Variants in BACE2 observed in about 807,000 individuals in gnomAD.
BACE2 encodes the protein beta-secretase 2, also known as 56 kDa aspartic-like protease.
In BACE2, 17 loss-of-function variants were observed where a neutral mutation model predicts 46.2. The observed-to-expected ratio is 0.37, with a 90% confidence interval of 0.25 to 0.55. BACE2 has a LOEUF of 0.55. BACE2 is among the 20% of genes least tolerant of loss of function. BACE2 has a pLI of 0.82. For missense variants in BACE2, 595 were observed against 698.1 expected, an observed-to-expected ratio of 0.85 and a Z score of 1.66; for synonymous variants, 277 against 295.9, an observed-to-expected ratio of 0.94 and a Z score of 0.66.
chr21:41,243,565 A>C, intron 5 of BACE2, 55 bp downstream of exon 5: 3 of 1,513,814 alleles, frequency 2.0e-6, no homozygotes, highest in Non-Finnish European at 2.6e-6. Flanking sequence ...GGTCCCTTAA[A>C]TATGCCAGCT....
At chr21:41,171,084 A>G (rs1035468985) in intron 1 of BACE2, among the ~76,000 whole-genome samples, 2 of 152,208 alleles carry the variant, frequency 1.3e-5, no homozygotes, top group African/African-American at 4.8e-5. Flanking sequence ...CCTTCCCTTC[A>G]TGCCTCCTGA....
At chr21:41,208,293 A>G (rs531311246) in intron 1 of BACE2, among the ~76,000 whole-genome samples, 3 of 152,250 alleles carry the variant, frequency 2.0e-5, no homozygotes, top group Non-Finnish European at 4.4e-5. Flanking sequence ...TGGGCAGTGC[A>G]CGCAGGACCG....
At chr21:41,199,081 C>G (rs1985854134) in intron 1 of BACE2, among the ~76,000 whole-genome samples, 1 of 134,880 alleles carries the variant, frequency 7.4e-6, no homozygotes, top group Non-Finnish European at 1.5e-5. Context: ...TCCAAGTGTT[C>G]TCATTGCTCA....
At chr21:41,207,130 C>T (rs1986151871) in intron 1 of BACE2, among the ~76,000 whole-genome samples, 1 of 152,186 alleles carries the variant, frequency 6.6e-6, no homozygotes, top group Non-Finnish European at 1.5e-5. Flanking sequence ...AATTTATTCA[C>T]ACTTCTTTAG....
intron 1 of BACE2, among the ~76,000 whole-genome samples, chr21:41,194,682 C>G (rs1300401613): frequency 6.6e-6 from 1 of 152,126 alleles, no homozygotes; most frequent in African/African-American, 2.4e-5. Flanking sequence ...AGCTATTGGT[C>G]TGATATCACT....
At position 41,168,437 on chromosome 21, in the gene BACE2, C is replaced by A; in HGVS notation, c.174C>A (p.Asp58Glu). Residue 58 changes from aspartate (D) to glutamate (E), a missense_variant, in exon 1 of 9, where the codon GAC becomes GAA. Around this residue, in one of 3 missense-constraint regions of BACE2, gnomAD observed 248 missense variants for 261.4 expected, o/e 0.95. Coordinates refer to ENST00000330333, the MANE Select transcript of BACE2 (RefSeq NM_012105.5). ...GPGTPAERHA[D>E]GLALALEPAL... ...GGACCCCTGCCGAGCGCCACGCCGA[C>A]GGCTTGGCGCTCGCCCTGGAGCCTG... 7.2e-7 allele frequency: 1 copy of A among 1,396,204 alleles called. No individual in the cohort carries two copies. The highest frequency in any genetic ancestry group is 1.7e-5 in the South Asian group (1 of 60,548). The allele number at this position is 1,396,204 out of a possible 1,614,324, so 86.5% of individuals were successfully genotyped here.
intron 1 of BACE2, among the ~76,000 whole-genome samples, chr21:41,189,366 G>A (rs763422443): frequency 1.3e-5 from 2 of 152,028 alleles, no homozygotes; most frequent in Admixed American, 1.3e-4. Context: ...TGTCTTTTTG[G>A]TTCTTCTCTC....
At position 41,280,831 on chromosome 21, in the gene BACE2, A is replaced by G. The variant is rs2088540332; in HGVS notation, c.*5207A>G. 6.6e-6 allele frequency: 1 copy of G among 152,264 alleles called. No individual in the cohort carries two copies. The highest frequency in any genetic ancestry group is 1.5e-5 in the Non-Finnish European group (1 of 68,048). The allele number at this position is 152,264 out of a possible 1,614,324, so 9.4% of individuals were successfully genotyped here. The stretch of plus-strand genomic sequence containing the variant: ...TTTCTTATCAGCAGCTATTACACAC[A>G]GATGTCCAGTGCTTCTAAACTAAAT... On this transcript the variant is annotated 3_prime_UTR_variant, in exon 9 of 9. Transcript: ENST00000330333.
chr21:41,248,803 T>C (rs944882008), intron 6 of BACE2, among the ~76,000 whole-genome samples: 1 of 152,222 alleles, frequency 6.6e-6, no homozygotes, highest in Non-Finnish European at 1.5e-5. Context: ...CATCGGCAGA[T>C]GCATACAGGG....
intron 1 of BACE2, among the ~76,000 whole-genome samples, chr21:41,224,141 G>T (rs933041632): frequency 1.3e-5 from 2 of 151,674 alleles, no homozygotes; most frequent in African/African-American, 4.9e-5. Flanking sequence ...CAGCTAAACT[G>T]AGGTCCTTGG....
intron 1 of BACE2, among the ~76,000 whole-genome samples, chr21:41,223,564 G>A (rs981627350): frequency 2.6e-5 from 4 of 152,144 alleles, no homozygotes; most frequent in East Asian, 1.9e-4. Flanking sequence ...GGCACCCCCC[G>A]TGTGTCTGCT....
At chr21:41,171,488 G>C (rs1317448551) in intron 1 of BACE2, among the ~76,000 whole-genome samples, 1 of 152,262 alleles carries the variant, frequency 6.6e-6, no homozygotes, top group Non-Finnish European at 1.5e-5. Context: ...AGGCGTGTGT[G>C]CTGGCAGGCA....
chr21:41,270,853 A>G (rs915964958), intron 8 of BACE2, among the ~76,000 whole-genome samples: 2 of 152,222 alleles, frequency 1.3e-5, no homozygotes, highest in Admixed American at 1.3e-4. Flanking sequence ...GGTATTCTAT[A>G]TCATAACTTA....
At chr21:41,190,738 GTAA>G (rs762203132) in intron 1 of BACE2, among the ~76,000 whole-genome samples, 35 of 152,158 alleles carry the variant, frequency 2.3e-4, no homozygotes, top group Non-Finnish European at 3.8e-4. Context: ...ACAGGGCATG[GTAA>G]TACTAAGAGA....
In BACE2 at chr21:41,168,356, G is replaced by A; in HGVS notation, c.93G>A (p.Leu31=). 2 of 1,387,420 alleles carry A rather than the reference G, an allele frequency of 1.4e-6. No homozygotes were observed. The highest frequency in any genetic ancestry group is 1.6e-5 in the South Asian group (1 of 60,776). The allele number at this position is 1,387,420 out of a possible 1,614,324, so 85.9% of individuals were successfully genotyped here. ...AGCTGGCCCCCGCGCCCTTCACGCTGCCCCTCCGGGTGGCCGCGGCCACGA... is the reference window on the plus strand; with the variant it reads ...AGCTGGCCCCCGCGCCCTTCACGCTACCCCTCCGGGTGGCCGCGGCCACGA... The part of the protein sequence containing the change: ...APELAPAPFT[L]PLRVAAATNR... Residue 31 remains leucine (L), a synonymous_variant, in exon 1 of 9, where the codon CTG becomes CTA. Transcript: ENST00000330333.
intron 3 of BACE2, chr21:41,241,606 G>A (rs1004971859): frequency 3.7e-6 from 2 of 537,996 alleles, no homozygotes; most frequent in African/African-American, 3.8e-5. Flanking sequence ...TTGTACAACA[G>A]AGCCGTGCCC....
chr21:41,250,928 C>G (rs1987620332), intron 7 of BACE2, 27 bp downstream of exon 7: 1 of 1,609,816 alleles, frequency 6.2e-7, no homozygotes, highest in South Asian at 1.1e-5. Flanking sequence ...GTGCTTTGCT[C>G]TTTTTATCAT....
intron 2 of BACE2, among the ~76,000 whole-genome samples, chr21:41,233,792 C>G (rs1368867838): frequency 6.6e-6 from 1 of 152,134 alleles, no homozygotes; most frequent in Non-Finnish European, 1.5e-5. Flanking sequence ...GAAACCCCAT[C>G]TCTACTAAAA....
chr21:41,187,078 G>C (rs894805717), intron 1 of BACE2, among the ~76,000 whole-genome samples: 1 of 152,222 alleles, frequency 6.6e-6, no homozygotes, highest in African/African-American at 2.4e-5. Flanking sequence ...CCCGCCTCCT[G>C]CCTCACCAGG....
Sources: allele counts gnomAD v4.1 joint callset (sites outside exome capture counted in the v4.1 genomes callset), GRCh38; gene constraint gnomAD v4.1.1; regional missense constraint gnomAD v4.1.1; transcripts MANE v1.5; gene names NCBI Gene and HGNC (gene_info 2026-07-23, HGNC 2026-07-21).